Variants in DHTKD1 observed in about 807,000 individuals in gnomAD.
DHTKD1 encodes the protein dehydrogenase E1 and transketolase domain containing 1, also known as 2-oxoadipate dehydrogenase complex component E1.
In DHTKD1, 78 loss-of-function variants were observed where a neutral mutation model predicts 101.8. The ratio of observed to expected loss-of-function variants is 0.77; its 90% CI spans 0.64 to 0.93. The LOEUF (loss-of-function observed/expected upper bound fraction) is 0.93, where lower values mean the gene tolerates loss of function less well. DHTKD1 is among the 40% of genes least tolerant of loss of function. The pLI, the probability that DHTKD1 is intolerant of heterozygous loss-of-function variation, is 0.00. For synonymous variants in DHTKD1, 462 were observed against 450.3 expected, an observed-to-expected ratio of 1.03 and a Z score of -0.33; for missense variants, 1,223 against 1,161.7, an observed-to-expected ratio of 1.05 and a Z score of -0.77.
intron 13 of DHTKD1, among the ~76,000 whole-genome samples, chr10:12,114,950 C>T (rs1220627784): frequency 6.6e-6 from 1 of 152,136 alleles, no homozygotes; most frequent in Non-Finnish European, 1.5e-5. Flanking sequence ...CGCCTGCCAC[C>T]ACGACCTGCT....
chr10:12,098,029 C>T lies in DHTKD1; in HGVS notation c.1671+33C>T, dbSNP rs116269135. The stretch of plus-strand genomic sequence containing the variant: ...GCCTCCAAATGGCTGGTTATTGCTT[C>T]TCCTTCCTGCTCAGCAAAGGAGCTG... On this transcript the variant is annotated intron_variant, in intron 8 of 16. Transcript: ENST00000263035. 3,059 of 1,558,888 alleles carry T rather than the reference C, an allele frequency of 2.0e-3. 67 individuals are homozygous for T. In the African/African-American group the frequency reaches 0.037, roughly 19 times the overall value.
intron 11 of DHTKD1, 111 bp downstream of exon 11, chr10:12,106,507 G>C (rs1340208221): frequency 4.4e-6 from 6 of 1,374,088 alleles, no homozygotes; most frequent in Non-Finnish European, 6.1e-6. Flanking sequence ...TCCCGTGTGC[G>C]GCGGCGCCTC....
chr10:12,079,624 C>T (rs1291886233), intron 1 of DHTKD1, among the ~76,000 whole-genome samples: 2 of 151,996 alleles, frequency 1.3e-5, no homozygotes, highest in African/African-American at 4.8e-5. Context: ...GCCGAGATTG[C>T]ACCACTGCAC....
intron 9 of DHTKD1, 25 bp downstream of exon 9, chr10:12,100,287 G>GTTTTTTTTTTTGTTTTTTTTTTTTTTT: frequency 3.7e-6 from 1 of 269,860 alleles, no homozygotes; most frequent in Non-Finnish European, 6.1e-6. Context: ...TTTTTTTTCT[G>GTTTTTTTTTTTGTTTTTTTTTTTTTTT]TTTTTTTTTT....
chr10:12,069,649 A>C (rs1264287194), intron 1 of DHTKD1, among the ~76,000 whole-genome samples: 1 of 118,516 alleles, frequency 8.4e-6, no homozygotes. Context: ...CAGCGTCCCG[A>C]GTAGCTGGGG....
rs1162497102 is a variant in DHTKD1, at chr10:12,103,754, A to C, written c.1897-2492A>C. Among the ~76,000 whole-genome samples the C allele has an allele frequency of 2.0e-5, 3 of 152,086 alleles. No homozygotes were observed. Among genetic ancestry groups the C allele is most frequent in the African/African-American group, 7.2e-5 (3 of 41,418 alleles). ...TCATCTTGAATTCCTGGCCTCAAGC[A>C]ATCCTCCTGCCTTGGCCTCCCAAAG... On this transcript the variant is annotated intron_variant, in intron 10 of 16. Transcript: ENST00000263035. The surrounding 1 kb of genome is among the most constrained non-coding windows in gnomAD (Gnocchi z 4.8).
intron 1 of DHTKD1, 152 bp from the exon 2 acceptor site, chr10:12,081,320 C>T: frequency 1.7e-6 from 1 of 584,698 alleles, no homozygotes; most frequent in East Asian, 3.1e-5. Context: ...GCACTCCAGC[C>T]TGGGCAATAG....
chr10:12,077,265 T>C (rs1353963728), intron 1 of DHTKD1, among the ~76,000 whole-genome samples: 1 of 151,796 alleles, frequency 6.6e-6, no homozygotes, highest in African/African-American at 2.4e-5. Context: ...TTCATGCTTG[T>C]CACCCAGGCT....
In DHTKD1 at chr10:12,117,658, T is replaced by G. The variant is rs1564399476; in HGVS notation, c.2320-15T>G. Reference sequence around the variant, plus strand: ...TCTGTTGCTTGCTGGATGTGTGGCCTCTTCTCCCTCGTAGGCAGCCGTGTC... The same window carrying G: ...TCTGTTGCTTGCTGGATGTGTGGCCGCTTCTCCCTCGTAGGCAGCCGTGTC... On this transcript the variant is annotated splice_polypyrimidine_tract_variant and intron_variant, in intron 13 of 16. Coordinates refer to ENST00000263035, the MANE Select transcript of DHTKD1 (RefSeq NM_018706.7). 5 of 1,539,104 alleles carry G rather than the reference T, an allele frequency of 3.2e-6. No individual in the cohort carries two copies. In the African/African-American group the frequency reaches 5.5e-5, roughly 17 times the overall value.
At chr10:12,095,921 A>G (rs1027739741) in intron 7 of DHTKD1, among the ~76,000 whole-genome samples, 7 of 152,048 alleles carry the variant, frequency 4.6e-5, no homozygotes, top group Admixed American at 4.6e-4. Flanking sequence ...AGGCAACAGA[A>G]TCGCTTGAAC....
intron 3 of DHTKD1, among the ~76,000 whole-genome samples, chr10:12,085,516 CAG>C (rs1456457183): frequency 6.6e-6 from 1 of 152,140 alleles, no homozygotes; most frequent in African/African-American, 2.4e-5. Context: ...TGGCTCTCCT[CAG>C]AGTCAAAATA....
In DHTKD1 at chr10:12,103,714, CTG is replaced by C. The variant is rs570244916; in HGVS notation, c.1897-2529_1897-2528del. 4.3e-3 allele frequency among the ~76,000 whole-genome samples: 651 copies of C among 152,276 alleles called. 6 individuals carry two copies. The highest frequency in any genetic ancestry group is 0.012 in the African/African-American group (487 of 41,550). On this transcript the variant is annotated intron_variant, in intron 10 of 16. Coordinates refer to ENST00000263035, the MANE Select transcript of DHTKD1 (RefSeq NM_018706.7). The surrounding 1 kb of genome is among the most constrained non-coding windows in gnomAD (Gnocchi z 4.8). ...ATATTTTGTAGAGATAGGAGTCTCA[CTG>C]TGATGGCCAGTGTCATCTTGAATTC...
chr10:12,069,044 C>G lies in DHTKD1; in HGVS notation c.11C>G (p.Ala4Gly), dbSNP rs763237425. The G allele has an allele frequency of 1.4e-5, 23 of 1,613,322 alleles. No individual in the cohort carries two copies. The South Asian group carries it at 2.4e-4, about 17-fold the overall frequency. MAS[A>G]TAAAARRGLG... Reference sequence around the variant, plus strand: ...GGACATCTGGTGAACATGGCCTCTGCTACTGCGGCAGCAGCACGACGGGGC... The same window carrying G: ...GGACATCTGGTGAACATGGCCTCTGGTACTGCGGCAGCAGCACGACGGGGC... The change falls in exon 1 of 17, where the codon GCT becomes GGT. Residue 4 changes from alanine to glycine, a missense_variant. Coordinates refer to ENST00000263035, the MANE Select transcript of DHTKD1 (RefSeq NM_018706.7).
chr10:12,095,138 T>G (rs981651202), intron 7 of DHTKD1, among the ~76,000 whole-genome samples: 3 of 152,162 alleles, frequency 2.0e-5, no homozygotes, highest in Non-Finnish European at 4.4e-5. Flanking sequence ...GCCTGGCACC[T>G]TGGTGAGAGG....
intron 9 of DHTKD1, 98 bp from the exon 10 acceptor site, chr10:12,100,944 T>G: frequency 8.0e-7 from 1 of 1,242,612 alleles, no homozygotes; most frequent in South Asian, 1.4e-5. Flanking sequence ...CTAAGGAAAA[T>G]TCTCAGGATT....
At chr10:12,071,629 G>T (rs550947060) in intron 1 of DHTKD1, among the ~76,000 whole-genome samples, 2 of 151,580 alleles carry the variant, frequency 1.3e-5, no homozygotes, top group East Asian at 1.9e-4. Context: ...AATTAGCTGG[G>T]TGTGGTGCAG....
chr10:12,105,631 A>T (rs796438647), intron 10 of DHTKD1, among the ~76,000 whole-genome samples: 1 of 152,238 alleles, frequency 6.6e-6, no homozygotes, highest in African/African-American at 2.4e-5. Context: ...AGCTTATAAG[A>T]CGCAGTTGTA....
chr10:12,099,994 C>T (rs1262782656), intron 8 of DHTKD1, among the ~76,000 whole-genome samples, 184 bp from the exon 9 acceptor site: 1 of 151,872 alleles, frequency 6.6e-6, no homozygotes, highest in African/African-American at 2.4e-5. Flanking sequence ...TGGAGTTTCA[C>T]CATGTTGTCC....
chr10:12,069,260 G>A, intron 1 of DHTKD1, 73 bp downstream of exon 1: 1 of 1,392,726 alleles, frequency 7.2e-7, no homozygotes, highest in Non-Finnish European at 9.5e-7. Flanking sequence ...TTTGCGGTGG[G>A]GTGTCGGGGT....
Sources: gnomAD v4.1 joint callset for allele counts (sites outside exome capture counted in the v4.1 genomes callset) on GRCh38, gnomAD v4.1.1 for gene constraint, Gnocchi (gnomAD v3.1) non-coding constraint, MANE v1.5 for transcripts, NCBI Gene and HGNC (gene_info 2026-07-23, HGNC 2026-07-21) for gene names.